RYR3: variants seen among roughly 807,000 people sequenced by gnomAD.
RYR3 encodes the protein brain ryanodine receptor-calcium release channel.
In RYR3, 207 loss-of-function variants were observed where a neutral mutation model predicts 584.3. That is an observed-to-expected ratio of 0.35 (90% confidence interval 0.32 to 0.40). RYR3 has a LOEUF of 0.40. RYR3 is among the 10% of genes least tolerant of loss of function. The probability of loss-of-function intolerance (pLI) is 1.00; values close to 1 mark genes in which losing one functional copy is unlikely to be tolerated. For synonymous variants in RYR3, 2,416 were observed against 2,248.5 expected (o/e 1.07, Z -2.11); for missense variants, 5,616 against 6,089.2 (o/e 0.92, Z 2.59).
At chr15:33,762,756 G>C (rs1430229603) in intron 60 of RYR3, among the ~76,000 whole-genome samples, 1 of 152,008 alleles carries the variant, frequency 6.6e-6, no homozygotes, top group Non-Finnish European at 1.5e-5. Context: ...CACAGAACTA[G>C]AAAAAAACTA....
intron 38 of RYR3, among the ~76,000 whole-genome samples, chr15:33,685,339 G>T (rs1313145938): frequency 6.6e-6 from 1 of 152,136 alleles, no homozygotes. Flanking sequence ...AAGATCAAAA[G>T]AGACAAAGAA....
intron 2 of RYR3, among the ~76,000 whole-genome samples, chr15:33,474,352 C>T (rs966662706): frequency 4.6e-5 from 7 of 152,078 alleles, no homozygotes; most frequent in Non-Finnish European, 8.8e-5. Context: ...TTCTTGCAGT[C>T]GTAGGGGCTA....
Position 33,381,038 on chromosome 15 carries a change from T to C in RYR3, c.51+69942T>C, listed in dbSNP as rs138282185. Reference sequence around the variant, plus strand: ...CCTAAATTGTTTCCAATTTCCAGTCTTCTGTCTCCTATCTTTAGTCTATTA... The same window carrying C: ...CCTAAATTGTTTCCAATTTCCAGTCCTCTGTCTCCTATCTTTAGTCTATTA... On this transcript the variant is annotated intron_variant, in intron 1 of 103. Transcript: ENST00000634891. Among the ~76,000 whole-genome samples the C allele has an allele frequency of 7.2e-3, 1,096 of 152,338 alleles. 6 individuals carry two copies. The highest frequency in any genetic ancestry group is 0.024 in the Middle Eastern group (7 of 292).
At chr15:33,331,496 T>G (rs1177950961) in intron 1 of RYR3, among the ~76,000 whole-genome samples, 1 of 152,188 alleles carries the variant, frequency 6.6e-6, no homozygotes, top group Non-Finnish European at 1.5e-5. Flanking sequence ...CTCTTAGTTT[T>G]TCTTGCTTCA....
intron 1 of RYR3, among the ~76,000 whole-genome samples, chr15:33,463,187 G>A (rs2048188411): frequency 6.6e-6 from 1 of 151,794 alleles, no homozygotes; most frequent in African/African-American, 2.4e-5. Flanking sequence ...TTTTTTTTCA[G>A]AGCAATGTTA....
chr15:33,725,527 G>A (rs977509963), intron 45 of RYR3, among the ~76,000 whole-genome samples: 7 of 152,104 alleles, frequency 4.6e-5, no homozygotes, highest in South Asian at 2.1e-4. Context: ...GGGGTGGATC[G>A]GGCTACTCAA....
intron 1 of RYR3, among the ~76,000 whole-genome samples, chr15:33,387,492 T>C (rs1170817542): frequency 6.6e-6 from 1 of 152,198 alleles, no homozygotes. Context: ...CACCAACACT[T>C]GTTATTTTCT....
chr15:33,738,566 G>T lies in RYR3; in HGVS notation c.7632G>T (p.Gly2544=), dbSNP rs115185294. The T allele has an allele frequency of 8.7e-4, 1,412 of 1,613,930 alleles. 20 individuals carry two copies. In the African/African-American group the frequency reaches 0.016, roughly 18 times the overall value. ...ACCTAACGGAGAAGCTTTTCTGGGG[G>T]ATTTTTGACTCGCTCTCCCATAAGG... ...ELHLTEKLFW[G]IFDSLSHKKY... Residue 2544 remains glycine, a synonymous_variant, in exon 50 of 104, where the codon GGG becomes GGT. Transcript: ENST00000634891.
rs74892672 is a variant in RYR3, at chr15:33,454,493, G to A, written c.52-18926G>A. ...ATCATCCAGTCATTAAGCATTTACC[G>A]AACATATCCTCTCTGCTAGGCCTTA... is the stretch of plus-strand genomic sequence containing the variant. On this transcript the variant is annotated intron_variant, in intron 1 of 103. Transcript: ENST00000634891. 5.8e-3 allele frequency among the ~76,000 whole-genome samples: 890 copies of A among 152,226 alleles called. 19 individuals are homozygous for A. In the East Asian group the frequency reaches 0.076, roughly 13 times the overall value.
At chr15:33,581,696 C>A in intron 14 of RYR3, 53 bp downstream of exon 14, 2 of 1,493,890 alleles carry the variant, frequency 1.3e-6, no homozygotes, top group South Asian at 2.3e-5. Context: ...GGGATTTCCA[C>A]GTGCAATCCC....
intron 60 of RYR3, 79 bp downstream of exon 60, chr15:33,757,675 C>T (rs1239973864): frequency 6.0e-5 from 89 of 1,483,906 alleles, no homozygotes; most frequent in Middle Eastern, 1.9e-4. Flanking sequence ...GACTAAAAGG[C>T]GAGTCTTTTG....
rs1035944382 is a variant in RYR3 at position 33,311,462 on chromosome 15, C to T, written c.51+366C>T. On this transcript the variant is annotated intron_variant, in intron 1 of 103. Transcript: ENST00000634891. The surrounding 1 kb of genome is among the most constrained non-coding windows in gnomAD (Gnocchi z 4.4). ...ATAAGATCGGCGTTGGAAGCCCTCG[C>T]CCCGGGGTCGGCCCTCTGACACCTC... Among the ~76,000 whole-genome samples the T allele has an allele frequency of 1.3e-5, 2 of 152,222 alleles. No individual in the cohort carries two copies. Among genetic ancestry groups the T allele is most frequent in the African/African-American group, 4.8e-5 (2 of 41,464 alleles).
At chr15:33,581,392 T>C (rs1555538750) in intron 13 of RYR3, 116 bp from the exon 14 acceptor site, 1 of 1,054,742 alleles carries the variant, frequency 9.5e-7, no homozygotes, top group Non-Finnish European at 1.4e-6. Context: ...TGAAGGTCTA[T>C]TTGCATATTG....
chr15:33,794,236 T>TAA, intron 67 of RYR3, among the ~76,000 whole-genome samples: 1 of 80,762 alleles, frequency 1.2e-5, no homozygotes, highest in East Asian at 6.4e-4. Context: ...TATATAAATA[T>TAA]ATATTTATGT....
chr15:33,747,906 A>G (rs2070903222), intron 53 of RYR3, among the ~76,000 whole-genome samples: 1 of 152,206 alleles, frequency 6.6e-6, no homozygotes, highest in Admixed American at 6.5e-5. Context: ...CTCCCAGGGC[A>G]GGAAAGACCG....
At chr15:33,674,757 A>G (rs909479605) in intron 38 of RYR3, among the ~76,000 whole-genome samples, 4 of 150,470 alleles carry the variant, frequency 2.7e-5, no homozygotes, top group Non-Finnish European at 5.9e-5. Context: ...ATGTAGATGG[A>G]TGGATAAAAT....
chr15:33,712,284 A>G (rs1038974139), intron 43 of RYR3, among the ~76,000 whole-genome samples: 1 of 152,172 alleles, frequency 6.6e-6, no homozygotes, highest in Admixed American at 6.5e-5. Context: ...GGGGATTACA[A>G]TTCAACATGA....
intron 37 of RYR3, among the ~76,000 whole-genome samples, chr15:33,669,895 G>GTGTC (rs2152722477): frequency 6.8e-6 from 1 of 146,202 alleles, no homozygotes; most frequent in African/African-American, 2.5e-5. Flanking sequence ...GTGTGTGTGT[G>GTGTC]TGTGTGTGTT....
intron 42 of RYR3, among the ~76,000 whole-genome samples, chr15:33,701,553 T>G (rs576961785): frequency 6.6e-6 from 1 of 152,158 alleles, no homozygotes; most frequent in East Asian, 1.9e-4. Context: ...TCACTACGTC[T>G]TTTCCCCATC....
Sources: allele counts gnomAD v4.1 joint callset (sites outside exome capture counted in the v4.1 genomes callset), GRCh38; gene constraint gnomAD v4.1.1; non-coding constraint Gnocchi (gnomAD v3.1); transcripts MANE v1.5; gene names NCBI Gene and HGNC (gene_info 2026-07-23, HGNC 2026-07-21).